Variants in RBPMS observed in about 807,000 individuals in gnomAD.
RBPMS encodes RNA binding protein, mRNA processing factor.
A neutral mutation model predicts 26.8 loss-of-function variants in RBPMS; 7 were observed. The ratio of observed to expected loss-of-function variants is 0.26; its 90% CI spans 0.15 to 0.49. The LOEUF is 0.49. RBPMS is among the 20% of genes least tolerant of loss of function. The probability of loss-of-function intolerance (pLI) is 0.98; values close to 1 mark genes in which losing one functional copy is unlikely to be tolerated. For missense variants in RBPMS, 186 were observed against 250.0 expected, an observed-to-expected ratio of 0.74 and a Z score of 1.73; for synonymous variants, 96 against 93.3, an observed-to-expected ratio of 1.03 and a Z score of -0.17.
Position 30,384,930 on chromosome 8 carries a change from C to G in RBPMS, c.-163C>G, listed in dbSNP as rs865989204. 7.3e-5 allele frequency: 31 copies of G among 421,880 alleles called. No individual in the cohort carries two copies. The Middle Eastern group carries it at 2.0e-3, about 27-fold the overall frequency. 26.1% of individuals were successfully genotyped at this position (421,880 alleles called of 1,614,324 possible). A position where few individuals can be genotyped will look rare whatever the true frequency, so the allele number is the denominator to read the frequency against. Reference sequence around the variant, plus strand: ...ACTCGCCGCGGGAGCCCCAGCCCAACCCGAGCCCGACAGCCACTGCCCCGG... The same window carrying G: ...ACTCGCCGCGGGAGCCCCAGCCCAAGCCGAGCCCGACAGCCACTGCCCCGG... On this transcript the variant is annotated 5_prime_UTR_variant, in exon 1 of 9. Coordinates refer to ENST00000397323, the MANE Select transcript of RBPMS (RefSeq NM_001008710.3). This position sits in a 1 kb window ranked among gnomAD's most constrained non-coding sequence, Gnocchi z 5.6.
intron 1 of RBPMS, among the ~76,000 whole-genome samples, chr8:30,432,692 T>A (rs1812062300): frequency 6.6e-6 from 1 of 152,176 alleles, no homozygotes; most frequent in African/African-American, 2.4e-5. Context: ...AAAGTCAGGG[T>A]AATAGCTGGT....
At chr8:30,438,650 TAATA>T (rs1812737967) in intron 1 of RBPMS, among the ~76,000 whole-genome samples, 1 of 152,226 alleles carries the variant, frequency 6.6e-6, no homozygotes, top group African/African-American at 2.4e-5. Context: ...TATTCTACCT[TAATA>T]AATGTTTTTC....
chr8:30,551,695 A>C (rs1218181708), intron 6 of RBPMS, among the ~76,000 whole-genome samples: 2 of 152,156 alleles, frequency 1.3e-5, no homozygotes, highest in Admixed American at 6.5e-5. Context: ...TGGGATTAAC[A>C]ACCGCGTGGC....
chr8:30,540,652 G>T (rs1187149538), intron 5 of RBPMS, among the ~76,000 whole-genome samples: 1 of 152,068 alleles, frequency 6.6e-6, no homozygotes, highest in Admixed American at 6.6e-5. Context: ...TCAAATCCTG[G>T]GTCCAAGCGA....
At chr8:30,468,234 A>G (rs774002386) in intron 1 of RBPMS, among the ~76,000 whole-genome samples, 9 of 152,214 alleles carry the variant, frequency 5.9e-5, no homozygotes, top group Admixed American at 2.0e-4. Context: ...ATTTGTAAGT[A>G]TGTTTTAATT....
intron 1 of RBPMS, among the ~76,000 whole-genome samples, chr8:30,454,159 T>C (rs116267366): frequency 3.8e-4 from 58 of 152,324 alleles, no homozygotes; most frequent in African/African-American, 1.4e-3. Context: ...AAGAGGCAGC[T>C]CAGGATTGCT....
chr8:30,549,742 C>CTTTCTTTCTTTCCTTTTCTTTCCT (rs1554543781), intron 6 of RBPMS, among the ~76,000 whole-genome samples: 2 of 143,960 alleles, frequency 1.4e-5, no homozygotes, highest in African/African-American at 5.4e-5. Flanking sequence ...TTCTTTCTTT[C>CTTTCTTTCTTTCCTTTTCTTTCCT]TTTCTTTCCT....
intron 6 of RBPMS, chr8:30,556,342 C>CT: frequency 1.0e-6 from 1 of 985,622 alleles, no homozygotes; most frequent in South Asian, 4.7e-5. Context: ...TGAAGACGGG[C>CT]TGCACGCTCG....
At chr8:30,426,449 G>T (rs1811356395) in intron 1 of RBPMS, among the ~76,000 whole-genome samples, 1 of 152,152 alleles carries the variant, frequency 6.6e-6, no homozygotes, top group Non-Finnish European at 1.5e-5. Context: ...AGGAGAATTA[G>T]ATTACAAATT....
chr8:30,447,434 A>G (rs1484462623), intron 1 of RBPMS, among the ~76,000 whole-genome samples: 1 of 152,200 alleles, frequency 6.6e-6, no homozygotes, highest in Non-Finnish European at 1.5e-5. Flanking sequence ...TAATAGTGCA[A>G]TGTTTTGTGA....
At chr8:30,528,808 T>A (rs1421823569) in intron 5 of RBPMS, among the ~76,000 whole-genome samples, 1 of 151,404 alleles carries the variant, frequency 6.6e-6, no homozygotes, top group Non-Finnish European at 1.5e-5. Flanking sequence ...AAGGTGGGGG[T>A]TTTTTGGTTT....
intron 1 of RBPMS, among the ~76,000 whole-genome samples, chr8:30,438,332 C>G (rs1812702523): frequency 6.6e-6 from 1 of 152,170 alleles, no homozygotes; most frequent in Admixed American, 6.5e-5. Flanking sequence ...GGATTTTTCC[C>G]TTCTGTCCTC....
At chr8:30,446,881 A>G (rs1328759982) in intron 1 of RBPMS, 2 of 149,048 alleles carry the variant, frequency 1.3e-5, no homozygotes, top group Admixed American at 6.8e-5. Context: ...TGGGGTAGAG[A>G]TGGAACTTCA....
intron 1 of RBPMS, among the ~76,000 whole-genome samples, chr8:30,472,154 C>A (rs1817183226): frequency 6.6e-6 from 1 of 152,252 alleles, no homozygotes; most frequent in Middle Eastern, 3.4e-3. Flanking sequence ...CTAGAATAAC[C>A]TAAATGTCAA....
intron 4 of RBPMS, 96 bp from the exon 5 acceptor site, chr8:30,504,190 G>T: frequency 7.6e-7 from 1 of 1,323,686 alleles, no homozygotes; most frequent in Admixed American, 1.8e-5. Context: ...CTTTTTTCCT[G>T]ATAGACCAGG....
chr8:30,423,096 G>A (rs1400920080), intron 1 of RBPMS, among the ~76,000 whole-genome samples: 2 of 152,196 alleles, frequency 1.3e-5, no homozygotes, highest in African/African-American at 4.8e-5. Context: ...GCCTTAGGCA[G>A]GAGAGCTGCT....
intron 1 of RBPMS, among the ~76,000 whole-genome samples, chr8:30,438,775 TTTTTA>T (rs947108150): frequency 1.6e-4 from 24 of 152,282 alleles, no homozygotes; most frequent in African/African-American, 5.3e-4. Flanking sequence ...TCTTACTTTT[TTTTTA>T]TTTATTTTTT....
chr8:30,560,427 T>C (rs1000526765), intron 7 of RBPMS, among the ~76,000 whole-genome samples: 11 of 152,126 alleles, frequency 7.2e-5, no homozygotes, highest in Admixed American at 3.3e-4. Flanking sequence ...CAGCCAGTCA[T>C]AGCCCAGCAG....
intron 1 of RBPMS, among the ~76,000 whole-genome samples, chr8:30,450,899 C>T (rs1424659792): frequency 6.7e-6 from 1 of 150,330 alleles, no homozygotes; most frequent in Non-Finnish European, 1.5e-5. Context: ...TTTTATGGTA[C>T]TGACTGATGA....
Sources: gnomAD v4.1 joint callset for allele counts (sites outside exome capture counted in the v4.1 genomes callset) on GRCh38, gnomAD v4.1.1 for gene constraint, Gnocchi (gnomAD v3.1) non-coding constraint, MANE v1.5 for transcripts, NCBI Gene and HGNC (gene_info 2026-07-23, HGNC 2026-07-21) for gene names.